Variants in ARHGAP6 observed in about 807,000 individuals in gnomAD.
The protein encoded by ARHGAP6 is rho GTPase-activating protein 6.
A neutral mutation model predicts 55.7 loss-of-function variants in ARHGAP6; 16 were observed. The ratio of observed to expected loss-of-function variants is 0.29; its 90% confidence interval spans 0.19 to 0.44. The LOEUF is 0.44. Among genes scored for constraint, ARHGAP6 ranks in the 20% least tolerant of loss-of-function variants. The pLI, the probability that ARHGAP6 is intolerant of heterozygous loss-of-function variation, is 1.00. For missense variants in ARHGAP6, 698 were observed against 808.9 expected (o/e 0.86, Z 1.66); for synonymous variants, 382 against 360.9 (o/e 1.06, Z -0.66).
intron 9 of ARHGAP6, among the ~76,000 whole-genome samples, chrX:11,166,501 A>G (rs772554450): frequency 2.0e-4 from 23 of 112,379 alleles, no homozygotes; most frequent in African/African-American, 7.1e-4. Context: ...TAATTCTGAA[A>G]GCTTCTTTAA....
chrX:11,402,191 G>A (rs1358482891), intron 1 of ARHGAP6, among the ~76,000 whole-genome samples: 1 of 111,969 alleles, frequency 8.9e-6, no homozygotes, highest in African/African-American at 3.2e-5. Flanking sequence ...ATTGCATTGA[G>A]ATTTAGGATC....
chrX:11,243,583 A>C (rs1156755240), intron 2 of ARHGAP6, among the ~76,000 whole-genome samples: 4 of 112,202 alleles, frequency 3.6e-5, no homozygotes, highest in Non-Finnish European at 5.6e-5. Flanking sequence ...AGTCATAAAA[A>C]TATTGACTTT....
At chrX:11,174,574 C>CTTCCTTTCTT (rs1569241197) in intron 8 of ARHGAP6, among the ~76,000 whole-genome samples, 5 of 43,537 alleles carry the variant, frequency 1.1e-4, no homozygotes, top group Non-Finnish European at 2.0e-4. Flanking sequence ...TCCTTCCTTC[C>CTTCCTTTCTT]TTTCTTTCTT....
In ARHGAP6 at chrX:11,473,072, C is replaced by T. The variant is rs185376608; in HGVS notation, c.588+191169G>A. On this transcript the variant is annotated intron_variant, in intron 1 of 12. Transcript: ENST00000337414. ...CTACCATTTTCTCACATCCGGTTTCCCTCCAAACATTGCCAGCACTTGAAG... is the reference window on the plus strand; with the variant it reads ...CTACCATTTTCTCACATCCGGTTTCTCTCCAAACATTGCCAGCACTTGAAG... Among the ~76,000 whole-genome samples the T allele has an allele frequency of 1.6e-3, 178 of 111,112 alleles. 2 individuals carry two copies. Among genetic ancestry groups the T allele is most frequent in the Non-Finnish European group, 2.4e-3 (125 of 52,962 alleles).
rs756226557 is a variant in ARHGAP6, at chrX:11,641,147, T to TCA, written c.588+23092_588+23093dup. Among the ~76,000 whole-genome samples, 4 of 111,079 alleles carry TCA rather than the reference T, an allele frequency of 3.6e-5. No homozygotes were observed. The East Asian group carries it at 1.1e-3, about 31-fold the overall frequency. ...CTTAGTTATCTGATTTCACAAAGGA[T>TCA]CACAATGTAAAAATTATATTCTGCC... On this transcript the variant is annotated intron_variant, in intron 1 of 12. Coordinates refer to ENST00000337414, the MANE Select transcript of ARHGAP6 (RefSeq NM_013427.3).
intron 1 of ARHGAP6, among the ~76,000 whole-genome samples, chrX:11,615,941 C>T (rs1023914900): frequency 1.6e-4 from 18 of 111,702 alleles, no homozygotes; most frequent in Non-Finnish European, 2.6e-4. Flanking sequence ...TCAAACCCAA[C>T]CCTTCTGCTA....
At chrX:11,240,396 G>C (rs2047259290) in intron 2 of ARHGAP6, among the ~76,000 whole-genome samples, 1 of 111,731 alleles carries the variant, frequency 9.0e-6, no homozygotes, top group African/African-American at 3.3e-5. Context: ...GAAAACAGTG[G>C]GACCAATGCA....
chrX:11,380,797 T>C (rs1476905031), intron 1 of ARHGAP6, among the ~76,000 whole-genome samples: 1 of 112,204 alleles, frequency 8.9e-6, no homozygotes, highest in African/African-American at 3.2e-5. Context: ...TACAGGATGT[T>C]GAGGAGCATC....
chrX:11,396,672 C>G (rs17255587), intron 1 of ARHGAP6, among the ~76,000 whole-genome samples: 2 of 111,275 alleles, frequency 1.8e-5, no homozygotes, highest in South Asian at 7.6e-4. Flanking sequence ...AAAAACAGTT[C>G]TGGAATGAAT....
chrX:11,601,618 C>T (rs920559978), intron 1 of ARHGAP6, among the ~76,000 whole-genome samples: 2 of 111,979 alleles, frequency 1.8e-5, no homozygotes, highest in African/African-American at 6.5e-5. Context: ...AGAAGCAGTC[C>T]GTGCTGAAGA....
intron 1 of ARHGAP6, among the ~76,000 whole-genome samples, chrX:11,362,611 T>C (rs1472720311): frequency 9.1e-6 from 1 of 109,470 alleles, no homozygotes; most frequent in Non-Finnish European, 1.9e-5. Flanking sequence ...CATATGTAAC[T>C]AACCTGCACA....
chrX:11,474,661 T>C (rs1410466479), intron 1 of ARHGAP6, among the ~76,000 whole-genome samples: 1 of 111,914 alleles, frequency 8.9e-6, no homozygotes, highest in Non-Finnish European at 1.9e-5. Flanking sequence ...GGCATGGCTA[T>C]GGTTTGGATA....
At chrX:11,352,059 C>A (rs2048869909) in intron 1 of ARHGAP6, among the ~76,000 whole-genome samples, 1 of 112,442 alleles carries the variant, frequency 8.9e-6, no homozygotes, top group Admixed American at 9.4e-5. Flanking sequence ...AATAAAACGA[C>A]TACAAAAATA....
At chrX:11,628,897 G>A (rs2052328737) in intron 1 of ARHGAP6, among the ~76,000 whole-genome samples, 1 of 111,859 alleles carries the variant, frequency 8.9e-6, no homozygotes, top group South Asian at 3.7e-4. Flanking sequence ...ATTCCATAAT[G>A]TCCAACCACA....
intron 1 of ARHGAP6, chrX:11,318,646 T>C: frequency 8.9e-6 from 1 of 112,964 alleles, no homozygotes; most frequent in Non-Finnish European, 1.9e-5. Flanking sequence ...GTTTTTGCCA[T>C]TACTTTCCAT....
intron 1 of ARHGAP6, among the ~76,000 whole-genome samples, chrX:11,363,496 G>A (rs5935037): frequency 0.02 from 2,232 of 111,704 alleles, 23 homozygotes; most frequent in Middle Eastern, 0.032. Flanking sequence ...TGGTCTGCGC[G>A]GTCTGCTTCT....
chrX:11,488,606 G>A (rs913109709), intron 1 of ARHGAP6, among the ~76,000 whole-genome samples: 1 of 110,669 alleles, frequency 9.0e-6, no homozygotes, highest in Non-Finnish European at 1.9e-5. Context: ...GTTAGGAACC[G>A]GGCCACACAG....
chrX:11,443,966 A>C (rs1392052358), intron 1 of ARHGAP6, among the ~76,000 whole-genome samples: 1 of 112,171 alleles, frequency 8.9e-6, no homozygotes, highest in South Asian at 3.7e-4. Flanking sequence ...AAAAAAAAAA[A>C]ATATTTCCTG....
intron 1 of ARHGAP6, among the ~76,000 whole-genome samples, chrX:11,482,701 A>T (rs1381544558): frequency 9.0e-6 from 1 of 111,436 alleles, no homozygotes; most frequent in Admixed American, 9.5e-5. Flanking sequence ...AGTGGCTCTA[A>T]CAGGCTCTTA....
Sources: allele counts gnomAD v4.1 joint callset (sites outside exome capture counted in the v4.1 genomes callset), GRCh38; gene constraint gnomAD v4.1.1; transcripts MANE v1.5; gene names NCBI Gene and HGNC (gene_info 2026-07-23, HGNC 2026-07-21).